The following NRG3 variants were observed in gnomAD, a reference collection of about 807,000 sequenced individuals.
NRG3 encodes neuregulin 3.
A neutral mutation model predicts 66.9 loss-of-function variants in NRG3; 31 were observed. That is an observed-to-expected ratio of 0.46 (90% CI 0.35 to 0.63). The LOEUF is 0.63. Among genes scored for constraint, NRG3 ranks in the 20% least tolerant of loss-of-function variants. The pLI is 0.00. For missense variants in NRG3, 910 were observed against 878.9 expected, an observed-to-expected ratio of 1.04 and a Z score of -0.45; for synonymous variants, 393 against 359.4, an observed-to-expected ratio of 1.09 and a Z score of -1.06.
chr10:82,784,164 G>A (rs1249501058), intron 3 of NRG3, among the ~76,000 whole-genome samples: 1 of 152,124 alleles, frequency 6.6e-6, no homozygotes, highest in African/African-American at 2.4e-5. Flanking sequence ...TATGTAGAAA[G>A]CTGAAACTGG....
chr10:82,587,408 A>G lies in NRG3; in HGVS notation c.954-151169A>G, dbSNP rs1421814938. ...AAAATTTTAATTCTTTAGATTAATTATTAATAGATATAACTGGCTTAAACA... is the reference window on the plus strand; with the variant it reads ...AAAATTTTAATTCTTTAGATTAATTGTTAATAGATATAACTGGCTTAAACA... On this transcript the variant is annotated intron_variant, in intron 2 of 8. Transcript: ENST00000372141. Among the ~76,000 whole-genome samples, 6 of 152,216 alleles carry G rather than the reference A, an allele frequency of 3.9e-5. No homozygotes were observed. In the East Asian group the frequency reaches 9.6e-4, roughly 24 times the overall value.
chr10:82,047,278 A>G (rs1008854195), intron 1 of NRG3, among the ~76,000 whole-genome samples: 3 of 152,058 alleles, frequency 2.0e-5, no homozygotes, highest in Admixed American at 2.0e-4. Flanking sequence ...CGAGAAGAGC[A>G]ACTCCAAGAC....
At chr10:82,666,366 A>C (rs1195923026) in intron 2 of NRG3, among the ~76,000 whole-genome samples, 1 of 152,194 alleles carries the variant, frequency 6.6e-6, no homozygotes, top group Non-Finnish European at 1.5e-5. Flanking sequence ...TGGAAAATTA[A>C]ATTCAACTTG....
At chr10:82,738,536 C>T (rs1258190596) in intron 2 of NRG3, 41 bp from the exon 3 acceptor site, 1 of 1,519,324 alleles carries the variant, frequency 6.6e-7, no homozygotes. Flanking sequence ...AAGTCTTTCA[C>T]AACCACATGC....
chr10:82,697,286 C>T (rs535123561), intron 2 of NRG3, among the ~76,000 whole-genome samples: 15 of 152,158 alleles, frequency 9.9e-5, no homozygotes, highest in African/African-American at 2.9e-4. Context: ...TAGGGAAGTC[C>T]GGAAAAGTAA....
At chr10:82,283,648 A>C (rs1448819078) in intron 1 of NRG3, among the ~76,000 whole-genome samples, 7 of 152,100 alleles carry the variant, frequency 4.6e-5, no homozygotes, top group Non-Finnish European at 7.4e-5. Context: ...TAATTATACT[A>C]AATATACTGA....
chr10:82,233,628 C>T (rs1211977416), intron 1 of NRG3, among the ~76,000 whole-genome samples: 2 of 152,078 alleles, frequency 1.3e-5, no homozygotes, highest in Non-Finnish European at 2.9e-5. Flanking sequence ...CTAACTGCCT[C>T]TTTGCCCCAT....
chr10:82,824,718 AC>A (rs889008212), intron 3 of NRG3, among the ~76,000 whole-genome samples: 12 of 143,534 alleles, frequency 8.4e-5, no homozygotes, highest in Non-Finnish European at 1.5e-4. Context: ...AATTATAGAC[AC>A]TTTTTTTTTT....
At chr10:81,936,293 A>G (rs1055561839) in intron 1 of NRG3, among the ~76,000 whole-genome samples, 1 of 152,168 alleles carries the variant, frequency 6.6e-6, no homozygotes, top group Non-Finnish European at 1.5e-5. Context: ...TGAAAAGAGT[A>G]TGGAACATTC....
At chr10:82,349,886 G>T (rs998064739) in intron 1 of NRG3, among the ~76,000 whole-genome samples, 3 of 152,152 alleles carry the variant, frequency 2.0e-5, no homozygotes, top group South Asian at 2.1e-4. Flanking sequence ...GACCCCTTGC[G>T]CTTCCCAAGT....
chr10:82,217,808 G>C (rs1336067812), intron 1 of NRG3, among the ~76,000 whole-genome samples: 1 of 152,112 alleles, frequency 6.6e-6, no homozygotes, highest in African/African-American at 2.4e-5. Context: ...ATGCATGGCA[G>C]TAATACATCC....
chr10:82,814,172 A>G (rs1267928547), intron 3 of NRG3, among the ~76,000 whole-genome samples: 2 of 152,176 alleles, frequency 1.3e-5, no homozygotes, highest in Non-Finnish European at 2.9e-5. Flanking sequence ...ACTCATAACC[A>G]AGTGGTTTTC....
chr10:82,236,981 C>T lies in NRG3; in HGVS notation c.824-121758C>T, dbSNP rs138400979. On this transcript the variant is annotated intron_variant, in intron 1 of 8. Coordinates refer to ENST00000372141, the MANE Select transcript of NRG3 (RefSeq NM_001010848.4). ...CCGCCCACCTTGGCCTCCCAAAGTA[C>T]TGGGATTACAGGTGTGAGCCAGCGC... 8.7e-3 allele frequency among the ~76,000 whole-genome samples: 1,323 copies of T among 152,218 alleles called. 13 individuals are homozygous for T. The highest frequency in any genetic ancestry group is 0.03 in the African/African-American group (1,244 of 41,550).
intron 5 of NRG3, 88 bp from the exon 6 acceptor site, chr10:82,958,861 A>G: frequency 7.2e-7 from 1 of 1,384,982 alleles, no homozygotes; most frequent in Non-Finnish European, 9.6e-7. Context: ...CAAATAACAA[A>G]TATAGACACT....
intron 1 of NRG3, among the ~76,000 whole-genome samples, chr10:82,098,816 C>T (rs1390818146): frequency 3.9e-5 from 6 of 152,170 alleles, no homozygotes; most frequent in Admixed American, 6.5e-5. Flanking sequence ...CAGGCTGGAG[C>T]GCAGTGGTGC....
At chr10:82,235,381 A>G (rs2076703674) in intron 1 of NRG3, among the ~76,000 whole-genome samples, 1 of 152,232 alleles carries the variant, frequency 6.6e-6, no homozygotes, top group Non-Finnish European at 1.5e-5. Context: ...CCTTAGATAC[A>G]GTATTAGAAT....
At chr10:82,517,672 T>C (rs1489866654) in intron 2 of NRG3, among the ~76,000 whole-genome samples, 1 of 48,670 alleles carries the variant, frequency 2.1e-5, no homozygotes, top group Non-Finnish European at 3.4e-5. Context: ...TGTGTGTGCA[T>C]GTGTGTGTGT....
chr10:82,711,871 T>C (rs2056689244), intron 2 of NRG3, among the ~76,000 whole-genome samples: 1 of 152,216 alleles, frequency 6.6e-6, no homozygotes, highest in Non-Finnish European at 1.5e-5. Context: ...TTTTGTATTC[T>C]AACTTGTTTT....
chr10:82,634,391 A>G (rs2133756020), intron 2 of NRG3, among the ~76,000 whole-genome samples: 1 of 152,318 alleles, frequency 6.6e-6, no homozygotes, highest in Admixed American at 6.5e-5. Flanking sequence ...TATTACACAC[A>G]CAGAAAGAAA....
Sources: allele counts gnomAD v4.1 joint callset (sites outside exome capture counted in the v4.1 genomes callset), GRCh38; gene constraint gnomAD v4.1.1; transcripts MANE v1.5; gene names NCBI Gene and HGNC (gene_info 2026-07-23, HGNC 2026-07-21).